ELMO1: variants seen among roughly 807,000 people sequenced by gnomAD.
ELMO1 encodes engulfment and cell motility protein 1.
In ELMO1, 26 loss-of-function variants were observed where a neutral mutation model predicts 98.9. The observed-to-expected ratio is 0.26, with a 90% CI of 0.19 to 0.36. ELMO1 has a LOEUF of 0.36. ELMO1 is among the 10% of genes least tolerant of loss of function. The pLI is 1.00. For missense variants in ELMO1, 627 were observed against 935.2 expected (o/e 0.67, Z 4.30); for synonymous variants, 346 against 346.0 (o/e 1.00, Z 0.00).
Position 36,855,281 on chromosome 7 carries a change from T to C in ELMO1, c.*270A>G, listed in dbSNP as rs984656846. The C allele has an allele frequency of 6.2e-6, 3 of 485,458 alleles. No homozygotes were observed. The highest frequency in any genetic ancestry group is 3.9e-5 in the African/African-American group (2 of 51,420). The allele number at this position is 485,458 out of a possible 1,614,324, so 30.1% of individuals were successfully genotyped here. ...TGGAAGGGCCCTTTGGCCTTCTTAC[T>C]GGCAGTGGGCTTTGCTCTTGTCCCA... On this transcript the variant is annotated 3_prime_UTR_variant, in exon 22 of 22. Coordinates refer to ENST00000310758, the MANE Select transcript of ELMO1 (RefSeq NM_014800.11). The surrounding 1 kb of genome is among the most constrained non-coding windows in gnomAD (Gnocchi z 4.2).
chr7:37,390,302 T>C (rs1803012888), intron 1 of ELMO1, among the ~76,000 whole-genome samples: 1 of 152,212 alleles, frequency 6.6e-6, no homozygotes, highest in Non-Finnish European at 1.5e-5. Context: ...GCATGGAGTA[T>C]GAACGGTTTC....
chr7:36,871,676 G>A (rs536360501), intron 19 of ELMO1, among the ~76,000 whole-genome samples: 35 of 152,304 alleles, frequency 2.3e-4, no homozygotes, highest in Middle Eastern at 3.4e-3. Context: ...ATTGGGTTGT[G>A]AAGGTGACAG....
At chr7:37,114,212 C>A (rs1030916967) in intron 14 of ELMO1, among the ~76,000 whole-genome samples, 2 of 152,140 alleles carry the variant, frequency 1.3e-5, no homozygotes, top group African/African-American at 4.8e-5. Flanking sequence ...GTTCTGGCTA[C>A]TGTGTTGAAG....
At chr7:37,061,990 A>T (rs1028307806) in intron 15 of ELMO1, among the ~76,000 whole-genome samples, 1 of 152,314 alleles carries the variant, frequency 6.6e-6, no homozygotes, top group East Asian at 1.9e-4. Flanking sequence ...GTTATATTTC[A>T]TCCTATGAGA....
At position 36,914,478 on chromosome 7, in the gene ELMO1, T is replaced by C. The variant is rs78237522; in HGVS notation, c.1438-19461A>G. Among the ~76,000 whole-genome samples, 98 of 152,312 alleles carry C rather than the reference T, an allele frequency of 6.4e-4. No homozygotes were observed. The East Asian group carries it at 0.016, about 25-fold the overall frequency. On this transcript the variant is annotated intron_variant, in intron 16 of 21. Coordinates refer to ENST00000310758, the MANE Select transcript of ELMO1 (RefSeq NM_014800.11). ...ATAGATCATGCATATGAAAGCACTT[T>C]GTACAACGTAAGGTACTATATGAAA...
intron 16 of ELMO1, among the ~76,000 whole-genome samples, chr7:36,945,224 G>A (rs1461573655): frequency 6.6e-6 from 1 of 152,140 alleles, no homozygotes; most frequent in African/African-American, 2.4e-5. Flanking sequence ...AGCCTTTGTA[G>A]GATATAAAAT....
chr7:37,207,874 T>G (rs1246128948), intron 13 of ELMO1, among the ~76,000 whole-genome samples: 1 of 152,054 alleles, frequency 6.6e-6, no homozygotes, highest in African/African-American at 2.4e-5. Context: ...AAACGAGATC[T>G]CAGAAGATGA....
At chr7:37,364,238 GC>G (rs1166388392) in intron 1 of ELMO1, among the ~76,000 whole-genome samples, 1 of 152,164 alleles carries the variant, frequency 6.6e-6, no homozygotes, top group Non-Finnish European at 1.5e-5. Context: ...TTTCATCTAT[GC>G]CTTTATTAAT....
chr7:37,215,389 T>C (rs1444928124), intron 11 of ELMO1, among the ~76,000 whole-genome samples: 1 of 152,192 alleles, frequency 6.6e-6, no homozygotes, highest in Non-Finnish European at 1.5e-5. Context: ...GTTTCTGCTG[T>C]TGGGACATCT....
chr7:36,998,957 T>C (rs73117541), intron 16 of ELMO1, among the ~76,000 whole-genome samples: 12,444 of 151,548 alleles, frequency 0.082, 623 homozygotes, highest in Middle Eastern at 0.2. Flanking sequence ...ATGTGGGAGA[T>C]TTGTGTGTGT....
intron 7 of ELMO1, 148 bp from the exon 8 acceptor site, chr7:37,233,342 A>G (rs1485172152): frequency 1.5e-6 from 1 of 650,834 alleles, no homozygotes; most frequent in Non-Finnish European, 2.6e-6. Context: ...CTTCACTAAC[A>G]TGAGTGACAT....
intron 15 of ELMO1, among the ~76,000 whole-genome samples, chr7:37,061,079 A>C (rs1334610320): frequency 6.6e-6 from 1 of 152,248 alleles, no homozygotes; most frequent in Non-Finnish European, 1.5e-5. Flanking sequence ...CTTTGGCATA[A>C]ACTGTTTTAC....
chr7:37,313,063 A>C (rs890734096), intron 4 of ELMO1, among the ~76,000 whole-genome samples: 1 of 152,254 alleles, frequency 6.6e-6, no homozygotes, highest in Non-Finnish European at 1.5e-5. Flanking sequence ...AATAGCATGC[A>C]AATTATATAG....
chr7:37,347,218 A>T (rs1801049128), intron 1 of ELMO1, among the ~76,000 whole-genome samples: 1 of 152,222 alleles, frequency 6.6e-6, no homozygotes, highest in Non-Finnish European at 1.5e-5. Context: ...ACAGCACTTA[A>T]GGCTTCTATA....
intron 15 of ELMO1, among the ~76,000 whole-genome samples, chr7:37,089,754 T>C (rs1372840298): frequency 6.6e-6 from 1 of 152,170 alleles, no homozygotes; most frequent in Non-Finnish European, 1.5e-5. Context: ...GTAAGGACAC[T>C]GCAGAAAAGA....
chr7:37,386,379 G>C (rs1802801815), intron 1 of ELMO1, among the ~76,000 whole-genome samples: 1 of 151,826 alleles, frequency 6.6e-6, no homozygotes, highest in Non-Finnish European at 1.5e-5. Context: ...AGGGGCTGGA[G>C]GGGGGAGCCC....
intron 4 of ELMO1, among the ~76,000 whole-genome samples, chr7:37,312,976 T>C (rs73690555): frequency 0.034 from 5,111 of 152,300 alleles, 284 homozygotes; most frequent in African/African-American, 0.12. Context: ...CTAACTGGTA[T>C]GAATGAAATG....
chr7:37,336,899 G>A (rs1426137366), intron 2 of ELMO1, among the ~76,000 whole-genome samples: 2 of 152,134 alleles, frequency 1.3e-5, no homozygotes, highest in African/African-American at 4.8e-5. Flanking sequence ...CTAGGTCAAG[G>A]GGAGGATTTT....
chr7:36,881,708 C>T (rs929038261), intron 18 of ELMO1, among the ~76,000 whole-genome samples: 4 of 152,136 alleles, frequency 2.6e-5, no homozygotes, highest in Non-Finnish European at 2.9e-5. Context: ...TTTCAGAGTT[C>T]ACAAGCCTGG....
Sources: allele counts gnomAD v4.1 joint callset (sites outside exome capture counted in the v4.1 genomes callset), GRCh38; gene constraint gnomAD v4.1.1; non-coding constraint Gnocchi (gnomAD v3.1); transcripts MANE v1.5; gene names NCBI Gene and HGNC (gene_info 2026-07-23, HGNC 2026-07-21).